TMEM254: variants seen among roughly 807,000 people sequenced by gnomAD.
The protein encoded by TMEM254 is transmembrane protein C10orf57.
Under a neutral mutation model 13.9 loss-of-function variants are expected in TMEM254, and 16 were observed. The ratio of observed to expected loss-of-function variants is 1.15; its 90% confidence interval spans 0.78 to 1.75. The LOEUF is 1.75. Among genes scored for constraint, TMEM254 ranks in the 40% most tolerant of loss-of-function variants. The probability of loss-of-function intolerance (pLI) is 0.00; values close to 1 mark genes in which losing one functional copy is unlikely to be tolerated. For missense variants in TMEM254, 155 were observed against 149.0 expected, an observed-to-expected ratio of 1.04 and a Z score of -0.21; for synonymous variants, 61 against 56.4, an observed-to-expected ratio of 1.08 and a Z score of -0.36.
intron 3 of TMEM254, among the ~76,000 whole-genome samples, chr10:80,084,745 G>A (rs1844226036): frequency 6.6e-6 from 1 of 152,182 alleles, no homozygotes; most frequent in Admixed American, 6.5e-5. Flanking sequence ...TGGAATGTAG[G>A]AGTGCGTGAC....
intron 3 of TMEM254, among the ~76,000 whole-genome samples, chr10:80,087,940 A>T (rs1420306943): frequency 8.1e-6 from 1 of 122,810 alleles, no homozygotes; most frequent in Non-Finnish European, 1.7e-5. Flanking sequence ...TTATCAATGT[A>T]GTCAGTTTTA....
At chr10:80,088,907 T>G (rs1427998170) in intron 3 of TMEM254, among the ~76,000 whole-genome samples, 2 of 151,820 alleles carry the variant, frequency 1.3e-5, no homozygotes, top group African/African-American at 4.8e-5. Flanking sequence ...CAACTTTTGT[T>G]GTTGTTTTTG....
chr10:80,090,022 GA>G (rs1390241514), intron 3 of TMEM254, among the ~76,000 whole-genome samples: 1 of 148,000 alleles, frequency 6.8e-6, no homozygotes, highest in Non-Finnish European at 1.5e-5. Context: ...AAAAAAAAAA[GA>G]AATTTGTCAA....
intron 2 of TMEM254, 41 bp from the exon 3 acceptor site, chr10:80,082,104 A>C: frequency 6.2e-7 from 1 of 1,609,574 alleles, no homozygotes; most frequent in Non-Finnish European, 8.5e-7. Flanking sequence ...TCAGCAGATA[A>C]CTATCACCTT....
rs1217911766 is a variant in TMEM254 at position 80,092,378 on chromosome 10, A to G, written c.*1461A>G. 8.5e-5 allele frequency: 13 copies of G among 152,198 alleles called. No individual in the cohort carries two copies. Among genetic ancestry groups the G allele is most frequent in the Non-Finnish European group, 1.8e-4 (12 of 68,038 alleles). The allele number at this position is 152,198 out of a possible 1,614,324, so 9.4% of individuals were successfully genotyped here. On this transcript the variant is annotated 3_prime_UTR_variant, in exon 4 of 4. Transcript: ENST00000372281. ...GGTGATTAAGAAGTTCCTTTTTGGT[A>G]AGGAAAAGGATTTTTAACCATAGAG...
intron 3 of TMEM254, among the ~76,000 whole-genome samples, chr10:80,086,023 A>T (rs1402273658): frequency 6.6e-6 from 1 of 152,192 alleles, no homozygotes; most frequent in African/African-American, 2.4e-5. Context: ...TGACAAGTAG[A>T]AGTACTCTGT....
chr10:80,081,942 T>C lies in TMEM254; in HGVS notation c.189T>C (p.Asn63=), dbSNP rs763858379. The change falls in exon 2 of 4, where the codon AAT becomes AAC. Residue 63 remains asparagine (N), a splice_region_variant and synonymous_variant. Coordinates refer to ENST00000372281, the MANE Select transcript of TMEM254 (RefSeq NM_025125.4). ...ACCACCATCACACCCTCCTGTGCAA[T>C]GGGTAAGGAGAGCTGCACAAGTGGA... ...LVDHHHTLLC[N]GYWLAWLIHV... is the part of the protein sequence containing the mutation. The C allele has an allele frequency of 9.9e-6, 16 of 1,612,804 alleles. No individual in the cohort carries two copies. The highest frequency in any genetic ancestry group is 1.4e-5 in the Non-Finnish European group (16 of 1,179,034).
chr10:80,090,121 T>G (rs998789069), intron 3 of TMEM254, among the ~76,000 whole-genome samples: 4 of 152,346 alleles, frequency 2.6e-5, no homozygotes, highest in African/African-American at 9.6e-5. Context: ...TTACATATAT[T>G]GTTTTTAAAG....
chr10:80,079,953 G>T (rs1362433215), intron 1 of TMEM254, among the ~76,000 whole-genome samples: 1 of 152,222 alleles, frequency 6.6e-6, no homozygotes, highest in Non-Finnish European at 1.5e-5. Flanking sequence ...TTTGAAGGAA[G>T]GCGAAGCTAT....
At chr10:80,081,744 A>G in intron 1 of TMEM254, 97 bp from the exon 2 acceptor site, 1 of 1,609,564 alleles carries the variant, frequency 6.2e-7, no homozygotes, top group African/African-American at 1.3e-5. Flanking sequence ...GGTCTGTGGT[A>G]ATTTTTTTAC....
intron 3 of TMEM254, among the ~76,000 whole-genome samples, chr10:80,086,687 A>G (rs1232091035): frequency 6.6e-6 from 1 of 151,914 alleles, no homozygotes; most frequent in Non-Finnish European, 1.5e-5. Context: ...CTAAAATACA[A>G]AAAATTAGCC....
At position 80,078,850 on chromosome 10, in the gene TMEM254, C is replaced by T; in HGVS notation, c.87+64C>T. 2.6e-6 allele frequency: 4 copies of T among 1,543,866 alleles called. No individual in the cohort carries two copies. The South Asian group carries it at 4.7e-5, about 18-fold the overall frequency. ...AGCGAGCGCTCGGTTCACCCCAGGA[C>T]CTGGGCTCACAGGCCGCGGGCCGGG... On this transcript the variant is annotated intron_variant, in intron 1 of 3. Coordinates refer to ENST00000372281, the MANE Select transcript of TMEM254 (RefSeq NM_025125.4).
At chr10:80,081,579 G>A in intron 1 of TMEM254, 1 of 1,055,522 alleles carries the variant, frequency 9.5e-7, no homozygotes, top group South Asian at 1.5e-5. Flanking sequence ...GAGGTGGGAG[G>A]ATGGATTGAG....
Position 80,091,172 on chromosome 10 carries a change from T to A in TMEM254, c.*255T>A. On this transcript the variant is annotated 3_prime_UTR_variant, in exon 4 of 4. Transcript: ENST00000372281. Reference sequence around the variant, plus strand: ...ATCCTATTTGGCAGAGGACTTCAGCTACCTTCTTACAGTCTTTGGCTGTGT... The same window carrying A: ...ATCCTATTTGGCAGAGGACTTCAGCAACCTTCTTACAGTCTTTGGCTGTGT... The A allele has an allele frequency of 2.9e-6, 1 of 348,168 alleles. No individual in the cohort carries two copies. Among genetic ancestry groups the A allele is most frequent in the South Asian group, 4.4e-5 (1 of 22,952 alleles). The allele number at this position is 348,168 out of a possible 1,614,324, so 21.6% of individuals were successfully genotyped here. A position where few individuals can be genotyped will look rare whatever the true frequency, so the allele number is the denominator to read the frequency against.
chr10:80,080,663 G>A (rs1032808862), intron 1 of TMEM254, among the ~76,000 whole-genome samples: 1 of 152,170 alleles, frequency 6.6e-6, no homozygotes, highest in Non-Finnish European at 1.5e-5. Context: ...AGTCAGCCAG[G>A]CATGGTGGTT....
chr10:80,091,131 AG>A lies in TMEM254; in HGVS notation c.*215del. The A allele has an allele frequency of 2.0e-6, 1 of 500,230 alleles. No homozygotes were observed. Among genetic ancestry groups the A allele is most frequent in the South Asian group, 3.4e-5 (1 of 29,606 alleles). 31.0% of individuals were successfully genotyped at this position (500,230 alleles called of 1,614,324 possible). A position where few individuals can be genotyped will look rare whatever the true frequency, so the allele number is the denominator to read the frequency against. ...TGTTACTTAAGAAAGAAACAGAGAA[AG>A]ATTTTAGCTTTTCAATCCTATTTGG... On this transcript the variant is annotated 3_prime_UTR_variant, in exon 4 of 4. Transcript: ENST00000372281.
intron 1 of TMEM254, chr10:80,079,589 C>T (rs1843861978): frequency 3.0e-6 from 3 of 989,334 alleles, no homozygotes; most frequent in Admixed American, 1.2e-4. Flanking sequence ...ACTGTTCTGA[C>T]ATAGGTGTGG....
chr10:80,080,335 T>C (rs575129065), intron 1 of TMEM254, among the ~76,000 whole-genome samples: 2 of 152,234 alleles, frequency 1.3e-5, no homozygotes, highest in Non-Finnish European at 2.9e-5. Flanking sequence ...TTTGAAACTG[T>C]TGAGTTATTC....
chr10:80,086,098 AT>A, intron 3 of TMEM254: 1 of 495,048 alleles, frequency 2.0e-6, no homozygotes, highest in African/African-American at 2.0e-5. Context: ...CAGAGGTAAC[AT>A]TTTTTCTTAA....
Sources: allele counts gnomAD v4.1 joint callset (sites outside exome capture counted in the v4.1 genomes callset), GRCh38; gene constraint gnomAD v4.1.1; transcripts MANE v1.5; gene names NCBI Gene and HGNC (gene_info 2026-07-23, HGNC 2026-07-21).